Variants in RALY observed in about 807,000 individuals in gnomAD.
RALY encodes RNA-binding protein Raly.
In RALY, 15 loss-of-function variants were observed where a neutral mutation model predicts 30.7. That is an observed-to-expected ratio of 0.49 (90% CI 0.33 to 0.75). RALY has a LOEUF of 0.75. RALY is among the 30% of genes least tolerant of loss of function. The probability of loss-of-function intolerance (pLI) is 0.02; values close to 1 mark genes in which losing one functional copy is unlikely to be tolerated. For synonymous variants in RALY, 177 were observed against 170.8 expected, an observed-to-expected ratio of 1.04 and a Z score of -0.28; for missense variants, 339 against 414.3, an observed-to-expected ratio of 0.82 and a Z score of 1.58.
chr20:34,001,288 C>T (rs1277490180), intron 1 of RALY, among the ~76,000 whole-genome samples: 1 of 152,178 alleles, frequency 6.6e-6, no homozygotes, highest in Non-Finnish European at 1.5e-5. Context: ...TTAAGATTTT[C>T]ACACAATGGT....
chr20:34,008,898 G>A (rs2268078), intron 1 of RALY, among the ~76,000 whole-genome samples: 111,416 of 152,090 alleles, frequency 0.73, 41,328 homozygotes, highest in South Asian at 0.84. Flanking sequence ...GGCTCAAGCA[G>A]TTCTGCTACC....
chr20:34,035,172 A>AAC (rs1469959950), intron 2 of RALY, among the ~76,000 whole-genome samples: 11 of 144,052 alleles, frequency 7.6e-5, no homozygotes, highest in Non-Finnish European at 1.7e-4. Flanking sequence ...AAAAAAAAAA[A>AAC]AAAAAAAAAA....
chr20:34,077,195 C>A lies in RALY; in HGVS notation c.826C>A (p.Arg276=), dbSNP rs375835490. The A allele has an allele frequency of 3.1e-6, 5 of 1,613,680 alleles. No individual in the cohort carries two copies. The highest frequency in any genetic ancestry group is 3.4e-6 in the Non-Finnish European group (4 of 1,179,962). Residue 276 remains arginine (R), a synonymous_variant, in exon 8 of 10, where the codon CGA becomes AGA. Coordinates refer to ENST00000246194, the MANE Select transcript of RALY (RefSeq NM_016732.3). The stretch of plus-strand genomic sequence containing the variant: ...CCTGCCCCAGGGGGAAGCACGGACC[C>A]GAGACGACGGCGATGAGGAAGGGCT... ...AGLPQGEART[R]DDGDEEGLLT...
chr20:34,033,629 C>T (rs1399027509), intron 2 of RALY, among the ~76,000 whole-genome samples: 2 of 152,104 alleles, frequency 1.3e-5, no homozygotes, highest in Non-Finnish European at 2.9e-5. Flanking sequence ...TACCCTCCTT[C>T]CAGGGAGGGG....
intron 2 of RALY, among the ~76,000 whole-genome samples, chr20:34,043,022 T>A (rs575612103): frequency 6.6e-6 from 1 of 152,384 alleles, no homozygotes; most frequent in South Asian, 2.1e-4. Context: ...TAAAGCCAGC[T>A]AGAGCCATCC....
chr20:34,075,609 G>A (rs998812985), intron 5 of RALY, among the ~76,000 whole-genome samples: 1 of 152,090 alleles, frequency 6.6e-6, no homozygotes, highest in Non-Finnish European at 1.5e-5. Context: ...TTTGAATGGG[G>A]TATAACTGCT....
At chr20:34,073,421 A>C (rs2122297483) in intron 3 of RALY, 142 bp from the exon 4 acceptor site, 1 of 715,802 alleles carries the variant, frequency 1.4e-6, no homozygotes, top group South Asian at 1.6e-5. Context: ...AGATGTATGA[A>C]GACCTTTGTT....
At chr20:34,064,907 G>A (rs994139053) in intron 2 of RALY, 3 of 152,224 alleles carry the variant, frequency 2.0e-5, no homozygotes, top group African/African-American at 4.8e-5. Flanking sequence ...CAAGTGAAAG[G>A]ATATGGCCAC....
Position 34,078,631 on chromosome 20 carries a change from A to G in RALY, c.*4+78A>G, listed in dbSNP as rs2033961700. On this transcript the variant is annotated intron_variant, in intron 9 of 9. Coordinates refer to ENST00000246194, the MANE Select transcript of RALY (RefSeq NM_016732.3). ...GTTGTGCCTTTTCCCTGGATTGGGC[A>G]GGAAGTGTCACGAAGCATACCTGGC... The G allele has an allele frequency of 2.2e-6, 3 of 1,368,882 alleles. No individual in the cohort carries two copies. The Admixed American group carries it at 7.7e-5, about 35-fold the overall frequency. The allele number at this position is 1,368,882 out of a possible 1,614,324, so 84.8% of individuals were successfully genotyped here. A position where few individuals can be genotyped will look rare whatever the true frequency, so the allele number is the denominator to read the frequency against.
chr20:34,069,147 C>G (rs754978556), intron 2 of RALY, among the ~76,000 whole-genome samples: 6 of 152,164 alleles, frequency 3.9e-5, no homozygotes, highest in Non-Finnish European at 5.9e-5. Flanking sequence ...TGGCATTATA[C>G]AGAATGTGTT....
intron 1 of RALY, among the ~76,000 whole-genome samples, chr20:34,013,004 C>G (rs2123023730): frequency 6.6e-6 from 1 of 152,322 alleles, no homozygotes; most frequent in African/African-American, 2.4e-5. Context: ...ACTACTCATA[C>G]AGCTAGTCTG....
At chr20:34,019,387 A>C (rs1036658110) in intron 1 of RALY, among the ~76,000 whole-genome samples, 2 of 152,002 alleles carry the variant, frequency 1.3e-5, no homozygotes, top group African/African-American at 4.8e-5. Flanking sequence ...TTAACTCAGC[A>C]CAGGTGAGAG....
intron 1 of RALY, 130 bp from the exon 2 acceptor site, chr20:34,031,392 A>G (rs1036125423): frequency 2.6e-5 from 4 of 151,948 alleles, no homozygotes; most frequent in South Asian, 2.1e-4. Flanking sequence ...ACTTAGCACT[A>G]CTTGAAATTA....
intron 2 of RALY, 150 bp from the exon 3 acceptor site, chr20:34,071,916 T>C (rs2033738200): frequency 4.5e-6 from 4 of 883,222 alleles, no homozygotes; most frequent in Admixed American, 2.9e-5. Flanking sequence ...CTTGGTAATA[T>C]GACAAGAAAA....
intron 1 of RALY, among the ~76,000 whole-genome samples, chr20:33,995,588 G>A (rs1326335261): frequency 1.3e-5 from 2 of 152,194 alleles, no homozygotes; most frequent in Non-Finnish European, 2.9e-5. Flanking sequence ...TTCTGGGCCA[G>A]GTCTTGAGGA....
At chr20:34,034,478 T>G (rs1202694501) in intron 2 of RALY, among the ~76,000 whole-genome samples, 1 of 152,212 alleles carries the variant, frequency 6.6e-6, no homozygotes, top group Non-Finnish European at 1.5e-5. Flanking sequence ...TCTTATATGC[T>G]TCCTGTAACA....
intron 2 of RALY, among the ~76,000 whole-genome samples, chr20:34,058,115 C>A (rs2033308157): frequency 6.6e-6 from 1 of 151,866 alleles, no homozygotes; most frequent in Non-Finnish European, 1.5e-5. Flanking sequence ...TTAATTCTTT[C>A]TAAGACAATG....
chr20:34,028,471 G>A (rs1414034726), intron 1 of RALY, among the ~76,000 whole-genome samples: 3 of 151,584 alleles, frequency 2.0e-5, no homozygotes, highest in Non-Finnish European at 2.9e-5. Context: ...TTGGGAGGCC[G>A]AGGCGGGCGG....
At chr20:34,072,454 A>G in intron 3 of RALY, 124 bp downstream of exon 3, 1 of 1,299,040 alleles carries the variant, frequency 7.7e-7, no homozygotes, top group Non-Finnish European at 1.0e-6. Flanking sequence ...ATAAATTTAT[A>G]AGCTATGTTT....
Sources: allele counts gnomAD v4.1 joint callset (sites outside exome capture counted in the v4.1 genomes callset), GRCh38; gene constraint gnomAD v4.1.1; transcripts MANE v1.5; gene names NCBI Gene and HGNC (gene_info 2026-07-23, HGNC 2026-07-21).